The following LEMD3 variants were observed in gnomAD, a reference collection of about 807,000 sequenced individuals.
LEMD3 encodes the protein LEM domain containing 3.
LEMD3 carries 33 observed loss-of-function variants against 95.2 expected under a neutral mutation model. The observed-to-expected ratio is 0.35, with a 90% CI of 0.26 to 0.46. The LOEUF (loss-of-function observed/expected upper bound fraction) is 0.46, where lower values mean the gene tolerates loss of function less well. Among genes scored for constraint, LEMD3 ranks in the 20% least tolerant of loss-of-function variants. LEMD3 has a pLI of 1.00. For missense variants in LEMD3, 1,210 were observed against 1,192.8 expected, an observed-to-expected ratio of 1.01 and a Z score of -0.21; for synonymous variants, 525 against 474.6, an observed-to-expected ratio of 1.11 and a Z score of -1.38.
chr12:65,169,619 C>T lies in LEMD3; in HGVS notation c.23C>T (p.Ala8Val). Residue 8 changes from alanine to valine, a missense_variant, in exon 1 of 13, where the codon GCG (alanine) becomes GTG (valine). Transcript: ENST00000308330. MAAAAAS[A>V]PQQLSDEELF... ...AAAATGGCGGCGGCAGCAGCTTCGG[C>T]GCCTCAGCAGCTCTCGGATGAGGAG... 1.3e-6 allele frequency: 2 copies of T among 1,588,196 alleles called. No individual in the cohort carries two copies. The highest frequency in any genetic ancestry group is 1.7e-6 in the Non-Finnish European group (2 of 1,169,566).
chr12:65,214,962 A>G (rs2136338524), intron 2 of LEMD3, among the ~76,000 whole-genome samples: 1 of 152,186 alleles, frequency 6.6e-6, no homozygotes, highest in South Asian at 2.1e-4. Flanking sequence ...CTTTTCATAC[A>G]ATTATTTCTG....
intron 4 of LEMD3, among the ~76,000 whole-genome samples, chr12:65,237,569 A>G (rs925276528): frequency 6.6e-6 from 1 of 152,152 alleles, no homozygotes; most frequent in African/African-American, 2.4e-5. Context: ...TCTTTTACCT[A>G]TGCGTGATTG....
chr12:65,245,638 G>A, intron 10 of LEMD3, 31 bp from the exon 11 acceptor site: 1 of 1,448,302 alleles, frequency 6.9e-7, no homozygotes, highest in East Asian at 2.3e-5. Context: ...TAGGAATATG[G>A]TTGTTGATTT....
Position 65,170,283 on chromosome 12 carries a change from G to C in LEMD3, c.687G>C (p.Glu229Asp), listed in dbSNP as rs894067316. 6.4e-7 allele frequency: 1 copy of C among 1,573,108 alleles called. No homozygotes were observed. Among genetic ancestry groups the C allele is most frequent in the Admixed American group, 1.9e-5 (1 of 53,008 alleles). Residue 229 changes from glutamate (E) to aspartate (D), a missense_variant, in exon 1 of 13, where the codon GAG becomes GAC. Physicochemically the swap from Glu to Asp is conservative, Grantham distance 45. Transcript: ENST00000308330. ...DEEGEGEDGE[E>D]RDPETEEPLW... ...AAGGGGAGGGAGAGGACGGTGAGGAGAGGGACCCGGAGACCGAGGAGCCGC... is the reference window on the plus strand; with the variant it reads ...AAGGGGAGGGAGAGGACGGTGAGGACAGGGACCCGGAGACCGAGGAGCCGC...
chr12:65,233,437 C>T (rs1870687556), intron 4 of LEMD3, among the ~76,000 whole-genome samples: 1 of 152,144 alleles, frequency 6.6e-6, no homozygotes. Flanking sequence ...TCTGGGTCTA[C>T]TTGATTCTAA....
intron 10 of LEMD3, among the ~76,000 whole-genome samples, chr12:65,244,745 C>T (rs974413904): frequency 3.0e-4 from 45 of 151,952 alleles, no homozygotes; most frequent in Non-Finnish European, 7.4e-5. Context: ...CTCAGGAGTT[C>T]GAGACCAGCC....
chr12:65,209,790 G>A (rs1435418793), intron 1 of LEMD3, among the ~76,000 whole-genome samples: 1 of 151,618 alleles, frequency 6.6e-6, no homozygotes, highest in Non-Finnish European at 1.5e-5. Flanking sequence ...TTGTTAAGCT[G>A]GTCTCACATG....
At chr12:65,182,617 G>T (rs981644466) in intron 1 of LEMD3, among the ~76,000 whole-genome samples, 14 of 150,866 alleles carry the variant, frequency 9.3e-5, no homozygotes, top group East Asian at 3.9e-4. Flanking sequence ...AAATAATGTG[G>T]TTTTTTTTTG....
chr12:65,170,066 G>C lies in LEMD3; in HGVS notation c.470G>C (p.Gly157Ala). The C allele has an allele frequency of 6.6e-7, 1 of 1,509,640 alleles. No individual in the cohort carries two copies. The highest frequency in any genetic ancestry group is 2.5e-5 in the East Asian group (1 of 40,266). The allele number at this position is 1,509,640 out of a possible 1,614,324, so 93.5% of individuals were successfully genotyped here. Residue 157 changes from glycine to alanine, a missense_variant, in exon 1 of 13, where the codon GGC becomes GCC. Coordinates refer to ENST00000308330, the MANE Select transcript of LEMD3 (RefSeq NM_014319.5). ...EASPRDQAGG[G>A]GRKDRASLQY... ...AGTCCCCGGGACCAGGCCGGCGGCG[G>C]CGGGAGGAAAGACCGGGCTTCGCTC...
intron 10 of LEMD3, 89 bp downstream of exon 10, chr12:65,243,558 A>G: frequency 1.2e-6 from 1 of 811,760 alleles, no homozygotes; most frequent in Non-Finnish European, 2.2e-6. Context: ...TGTGTCTGTA[A>G]TTGAAAATGT....
In LEMD3 at chr12:65,192,838, A is replaced by G. The variant is rs560067519; in HGVS notation, c.1523-18088A>G. On this transcript the variant is annotated intron_variant, in intron 1 of 12. Coordinates refer to ENST00000308330, the MANE Select transcript of LEMD3 (RefSeq NM_014319.5). ...GAATATCTGTCATTTAATTTAACTT[A>G]GCAAAACTCCAATAGTGTAAGTTAA... Among the ~76,000 whole-genome samples, 34 of 152,302 alleles carry G rather than the reference A, an allele frequency of 2.2e-4. 1 individual carries two copies. Among genetic ancestry groups the G allele is most frequent in the African/African-American group, 8.2e-4 (34 of 41,582 alleles).
At chr12:65,232,699 C>G (rs1870665088) in intron 4 of LEMD3, among the ~76,000 whole-genome samples, 1 of 152,070 alleles carries the variant, frequency 6.6e-6, no homozygotes, top group African/African-American at 2.4e-5. Flanking sequence ...AGAGGTCCCT[C>G]TGGTGGAACA....
At chr12:65,204,546 A>T (rs772997647) in intron 1 of LEMD3, among the ~76,000 whole-genome samples, 2 of 152,164 alleles carry the variant, frequency 1.3e-5, no homozygotes, top group African/African-American at 4.8e-5. Flanking sequence ...TGCATGGTGT[A>T]TATGTACCAC....
chr12:65,234,656 A>T lies in LEMD3; in HGVS notation c.1696-3846A>T, dbSNP rs186930598. Among the ~76,000 whole-genome samples the T allele has an allele frequency of 1.2e-4, 18 of 152,262 alleles. No individual in the cohort carries two copies. The East Asian group carries it at 3.5e-3, about 29-fold the overall frequency. On this transcript the variant is annotated intron_variant, in intron 4 of 12. Transcript: ENST00000308330. Reference sequence around the variant, plus strand: ...CCAGATAATGAGTGGATGTCAAGTGATATTAATAAAGGAAAGGAAAACAGA... The same window carrying T: ...CCAGATAATGAGTGGATGTCAAGTGTTATTAATAAAGGAAAGGAAAACAGA...
chr12:65,208,579 G>A (rs945352878), intron 1 of LEMD3, among the ~76,000 whole-genome samples: 2 of 152,038 alleles, frequency 1.3e-5, no homozygotes, highest in South Asian at 4.1e-4. Context: ...AGAAGATATT[G>A]GTGTGTTTTT....
chr12:65,218,830 C>T (rs926162323), intron 4 of LEMD3, among the ~76,000 whole-genome samples: 1 of 146,192 alleles, frequency 6.8e-6, no homozygotes, highest in African/African-American at 2.6e-5. Context: ...GCTCTTGTTC[C>T]CCAGGCTGGA....
At chr12:65,172,977 A>G (rs1444356644) in intron 1 of LEMD3, among the ~76,000 whole-genome samples, 2 of 152,108 alleles carry the variant, frequency 1.3e-5, no homozygotes, top group Non-Finnish European at 2.9e-5. Flanking sequence ...CTTTACACCT[A>G]TTGTACCATC....
At chr12:65,225,126 C>T (rs1320898242) in intron 4 of LEMD3, among the ~76,000 whole-genome samples, 1 of 152,096 alleles carries the variant, frequency 6.6e-6, no homozygotes, top group Non-Finnish European at 1.5e-5. Context: ...TTACTTGATT[C>T]ATGCATTGTT....
chr12:65,227,735 AT>A (rs5798774), intron 4 of LEMD3, among the ~76,000 whole-genome samples: 106,281 of 127,938 alleles, frequency 0.83, 44,463 homozygotes, highest in Non-Finnish European at 0.92. Context: ...AATTTTTGCG[AT>A]TTTTTTTTTT....
Sources: gnomAD v4.1 joint callset for allele counts (sites outside exome capture counted in the v4.1 genomes callset) on GRCh38, gnomAD v4.1.1 for gene constraint, MANE v1.5 for transcripts, NCBI Gene and HGNC (gene_info 2026-07-23, HGNC 2026-07-21) for gene names.